SELENOF: variants seen among roughly 807,000 people sequenced by gnomAD.
The protein encoded by SELENOF is 15 kDa selenoprotein.
A neutral mutation model predicts 20.5 loss-of-function variants in SELENOF; 16 were observed. The ratio of observed to expected loss-of-function variants is 0.78; its 90% CI spans 0.53 to 1.19. The LOEUF is 1.19. SELENOF is among the 50% of genes most tolerant of loss of function. SELENOF has a pLI of 0.00. For missense variants in SELENOF, 215 were observed against 194.2 expected (o/e 1.11, Z -0.64); for synonymous variants, 78 against 74.5 (o/e 1.05, Z -0.24).
At chr1:86,870,907 C>G (rs1305872347) in intron 3 of SELENOF, among the ~76,000 whole-genome samples, 1 of 152,074 alleles carries the variant, frequency 6.6e-6, no homozygotes, top group Non-Finnish European at 1.5e-5. Context: ...GCGTGAGCCA[C>G]TGTGCCCGGC....
chr1:86,890,767 A>G (rs1287068702), intron 2 of SELENOF, among the ~76,000 whole-genome samples: 2 of 151,756 alleles, frequency 1.3e-5, no homozygotes, highest in African/African-American at 4.8e-5. Flanking sequence ...TCGTCTTCCA[A>G]AGTGTTGGAT....
At chr1:86,886,952 T>C (rs1345479272) in intron 2 of SELENOF, among the ~76,000 whole-genome samples, 1 of 152,174 alleles carries the variant, frequency 6.6e-6, no homozygotes, top group Non-Finnish European at 1.5e-5. Flanking sequence ...ATATCCAGTA[T>C]AATTTTAAAA....
At chr1:86,870,786 T>A (rs1243555862) in intron 3 of SELENOF, among the ~76,000 whole-genome samples, 1 of 151,440 alleles carries the variant, frequency 6.6e-6, no homozygotes, top group Non-Finnish European at 1.5e-5. Flanking sequence ...GCACAGCTAA[T>A]TTTTTTTTAT....
chr1:86,867,587 T>C (rs553430701), intron 4 of SELENOF, among the ~76,000 whole-genome samples: 14 of 152,072 alleles, frequency 9.2e-5, no homozygotes, highest in African/African-American at 4.8e-5. Context: ...CGTGTGAGGA[T>C]TGGAGATTTC....
chr1:86,907,542 CTGAT>C (rs889345804), intron 1 of SELENOF, among the ~76,000 whole-genome samples: 1 of 152,118 alleles, frequency 6.6e-6, no homozygotes, highest in Non-Finnish European at 1.5e-5. Flanking sequence ...CCAAAAGTAA[CTGAT>C]TGGCATTTAA....
At chr1:86,883,728 TACGGAGC>T (rs1347892052) in intron 2 of SELENOF, among the ~76,000 whole-genome samples, 2 of 152,186 alleles carry the variant, frequency 1.3e-5, no homozygotes, top group African/African-American at 4.8e-5. Flanking sequence ...ATAATGATTG[TACGGAGC>T]ACTGCAGTAA....
At chr1:86,900,085 A>T (rs1225402210) in intron 2 of SELENOF, among the ~76,000 whole-genome samples, 2 of 143,054 alleles carry the variant, frequency 1.4e-5, no homozygotes, top group African/African-American at 5.4e-5. Flanking sequence ...CCGGGCAGAG[A>T]CGCTCCTCAC....
At chr1:86,894,829 C>A (rs1331593620) in intron 2 of SELENOF, among the ~76,000 whole-genome samples, 1 of 151,648 alleles carries the variant, frequency 6.6e-6, no homozygotes, top group Non-Finnish European at 1.5e-5. Flanking sequence ...AGAGGGAAAC[C>A]CTATCTCTAA....
intron 2 of SELENOF, among the ~76,000 whole-genome samples, chr1:86,899,519 C>A (rs1296573024): frequency 6.8e-6 from 1 of 146,694 alleles, no homozygotes; most frequent in Non-Finnish European, 1.5e-5. Context: ...ACCTCCCGGA[C>A]GGGGCGGCTG....
chr1:86,903,261 A>T lies in SELENOF; in HGVS notation c.252+20T>A. The T allele has an allele frequency of 6.2e-7, 1 of 1,600,756 alleles. No homozygotes were observed. The highest frequency in any genetic ancestry group is 1.1e-5 in the South Asian group (1 of 88,266). ...CTCAACTAAACCATCCAATGGAAGG[A>T]ATATACTAGAAAACAGTACCTTTTT... On this transcript the variant is annotated intron_variant, in intron 2 of 4. Coordinates refer to ENST00000331835, the MANE Select transcript of SELENOF (RefSeq NM_004261.5).
At chr1:86,883,656 C>T (rs1659136663) in intron 2 of SELENOF, among the ~76,000 whole-genome samples, 2 of 152,098 alleles carry the variant, frequency 1.3e-5, no homozygotes, top group Non-Finnish European at 2.9e-5. Context: ...GATTCCACTA[C>T]CTTACCTAAT....
intron 2 of SELENOF, among the ~76,000 whole-genome samples, chr1:86,883,595 T>G (rs780239422): frequency 6.6e-6 from 1 of 152,218 alleles, no homozygotes; most frequent in Non-Finnish European, 1.5e-5. Flanking sequence ...TATTTAGATT[T>G]GGTTATTAGA....
chr1:86,911,555 CAG>C (rs1476422658), intron 1 of SELENOF, among the ~76,000 whole-genome samples: 5 of 152,132 alleles, frequency 3.3e-5, no homozygotes, highest in Non-Finnish European at 7.3e-5. Flanking sequence ...TTAATCATGA[CAG>C]ATTTAAATTT....
intron 2 of SELENOF, among the ~76,000 whole-genome samples, chr1:86,890,649 C>A (rs1447299813): frequency 6.6e-6 from 1 of 150,852 alleles, no homozygotes; most frequent in African/African-American, 2.4e-5. Flanking sequence ...TGTGTCATCA[C>A]ACCCAGCTTT....
In SELENOF at chr1:86,904,824, C is replaced by T. The variant is rs955821291; in HGVS notation, c.85-1376G>A. On this transcript the variant is annotated intron_variant, in intron 1 of 4. Coordinates refer to ENST00000331835, the MANE Select transcript of SELENOF (RefSeq NM_004261.5). ...GCCTGTCCTCCTTTACTTTTCTCTT[C>T]TATGCATCTCTTAAATGCTATTGTT... Among the ~76,000 whole-genome samples the T allele has an allele frequency of 1.4e-4, 21 of 152,188 alleles. 1 individual carries two copies. Among genetic ancestry groups the T allele is most frequent in the Admixed American group, 1.4e-3 (21 of 15,270 alleles).
At chr1:86,893,570 A>G (rs2102108850) in intron 2 of SELENOF, among the ~76,000 whole-genome samples, 1 of 152,102 alleles carries the variant, frequency 6.6e-6, no homozygotes, top group East Asian at 1.9e-4. Context: ...GTAAGCCAAG[A>G]TTGCACCACT....
chr1:86,888,877 C>T (rs916897518), intron 2 of SELENOF, among the ~76,000 whole-genome samples: 34 of 152,216 alleles, frequency 2.2e-4, no homozygotes, highest in African/African-American at 6.7e-4. Context: ...GAAATCCTGA[C>T]CTCAGGTGAT....
rs917120594 is a variant in SELENOF at position 86,882,495 on chromosome 1, A to T, written c.253-1770T>A. Among the ~76,000 whole-genome samples, 318 of 134,212 alleles carry T rather than the reference A, an allele frequency of 2.4e-3. 2 individuals carry two copies. Among genetic ancestry groups the T allele is most frequent in the African/African-American group, 8.0e-3 (290 of 36,198 alleles). The allele number at this position is 134,212 out of a possible 152,430, so 88.0% of individuals were successfully genotyped here. ...TCACATCACTGGGATAGCTATTATTAAAAAAAAAAAAAAAAGAGATGAGGA... is the reference window on the plus strand; with the variant it reads ...TCACATCACTGGGATAGCTATTATTTAAAAAAAAAAAAAAAGAGATGAGGA... On this transcript the variant is annotated intron_variant, in intron 2 of 4. Transcript: ENST00000331835.
At chr1:86,885,700 A>C (rs927873338) in intron 2 of SELENOF, among the ~76,000 whole-genome samples, 2 of 152,208 alleles carry the variant, frequency 1.3e-5, no homozygotes, top group Non-Finnish European at 2.9e-5. Context: ...ACTAAATATC[A>C]AATTTTCATA....
Sources: gnomAD v4.1 joint callset for allele counts (sites outside exome capture counted in the v4.1 genomes callset) on GRCh38, gnomAD v4.1.1 for gene constraint, MANE v1.5 for transcripts, NCBI Gene and HGNC (gene_info 2026-07-23, HGNC 2026-07-21) for gene names.